Variants in SSH2 observed in about 807,000 individuals in gnomAD.
SSH2 encodes protein phosphatase Slingshot homolog 2.
A neutral mutation model predicts 135.2 loss-of-function variants in SSH2; 37 were observed. That is an observed-to-expected ratio of 0.27 (90% CI 0.21 to 0.36). The LOEUF (loss-of-function observed/expected upper bound fraction) is 0.36, where lower values mean the gene tolerates loss of function less well. SSH2 is among the 10% of genes least tolerant of loss of function. The pLI, the probability that SSH2 is intolerant of heterozygous loss-of-function variation, is 1.00. For missense variants in SSH2, 1,408 were observed against 1,765.3 expected (o/e 0.80, Z 3.63); for synonymous variants, 628 against 646.2 (o/e 0.97, Z 0.43).
chr17:29,761,364 G>A, intron 3 of SSH2: 2 of 1,073,752 alleles, frequency 1.9e-6, no homozygotes, highest in African/African-American at 1.7e-5. Context: ...CCCGGCGGCG[G>A]AGGCGGGCCC....
intron 14 of SSH2, among the ~76,000 whole-genome samples, chr17:29,641,338 A>G (rs2036151415): frequency 6.6e-6 from 1 of 152,176 alleles, no homozygotes; most frequent in African/African-American, 2.4e-5. Context: ...CTATTATTTT[A>G]AACTATTAAA....
intron 13 of SSH2, among the ~76,000 whole-genome samples, chr17:29,648,898 T>C (rs1021656914): frequency 6.6e-6 from 1 of 152,102 alleles, no homozygotes; most frequent in African/African-American, 2.4e-5. Context: ...CCCAGCACTT[T>C]GGGAGGCTGA....
chr17:29,705,122 G>T (rs2039145532), intron 3 of SSH2, among the ~76,000 whole-genome samples: 1 of 152,132 alleles, frequency 6.6e-6, no homozygotes, highest in South Asian at 2.1e-4. Context: ...GTCATCCTTA[G>T]TGTCTTTCCT....
chr17:29,706,959 C>T (rs1022268813), intron 3 of SSH2: 2 of 152,186 alleles, frequency 1.3e-5, no homozygotes, highest in Non-Finnish European at 2.9e-5. Flanking sequence ...CGAGACCATC[C>T]TGGCTAACAC....
intron 1 of SSH2, among the ~76,000 whole-genome samples, chr17:29,915,795 T>C (rs2062955475): frequency 6.6e-6 from 1 of 151,900 alleles, no homozygotes. Flanking sequence ...GAAGCCATTA[T>C]GAAATAACAA....
intron 3 of SSH2, among the ~76,000 whole-genome samples, chr17:29,743,906 C>CTTTTTT (rs2040657741): frequency 1.9e-5 from 2 of 107,534 alleles, no homozygotes; most frequent in East Asian, 2.3e-4. Flanking sequence ...TTTCTTTTTT[C>CTTTTTT]CTTTTTTTTT....
At chr17:29,783,009 C>A (rs2041873572) in intron 3 of SSH2, among the ~76,000 whole-genome samples, 1 of 152,138 alleles carries the variant, frequency 6.6e-6, no homozygotes, top group Non-Finnish European at 1.5e-5. Context: ...GCATGAGCCA[C>A]CGCGCCTGGC....
chr17:29,636,281 G>C lies in SSH2; in HGVS notation c.1949C>G (p.Pro650Arg), dbSNP rs1471724481. The C allele has an allele frequency of 6.2e-7, 1 of 1,614,002 alleles. No individual in the cohort carries two copies. Among genetic ancestry groups the C allele is most frequent in the African/African-American group, 1.3e-5 (1 of 74,900 alleles). ...MEELTSPLKD[P>R]PMSPDPESPS... ...TGACTCAGGATCAGGGGACATGGGG[G>C]GGTCTTTCAGTGGAGATGTCAATTC... The change falls in exon 15 of 16, where the codon CCC becomes CGC. Residue 650 changes from proline to arginine, a missense_variant. Coordinates refer to ENST00000540801, the MANE Select transcript of SSH2 (RefSeq NM_001282129.2).
At chr17:29,911,527 T>C (rs1486504516) in intron 1 of SSH2, among the ~76,000 whole-genome samples, 1 of 152,214 alleles carries the variant, frequency 6.6e-6, no homozygotes, top group African/African-American at 2.4e-5. Flanking sequence ...AGAGAGGTTA[T>C]GCAACTTGCT....
intron 3 of SSH2, among the ~76,000 whole-genome samples, chr17:29,762,919 A>G (rs1346091995): frequency 6.6e-6 from 1 of 152,252 alleles, no homozygotes; most frequent in Non-Finnish European, 1.5e-5. Context: ...TCAGAAATTA[A>G]TAATAATTTC....
At chr17:29,761,456 C>A in intron 3 of SSH2, 1 of 995,862 alleles carries the variant, frequency 1.0e-6, no homozygotes. Flanking sequence ...AGCAGTTCGC[C>A]CCCACCCGCG....
At chr17:29,929,725 G>C in intron 1 of SSH2, 2 of 598,818 alleles carry the variant, frequency 3.3e-6, no homozygotes, top group Non-Finnish European at 6.0e-6. Context: ...ATTGTGAGGA[G>C]CTAGGTGCTC....
intron 3 of SSH2, among the ~76,000 whole-genome samples, chr17:29,707,286 A>C (rs1361610884): frequency 2.1e-4 from 32 of 152,214 alleles, no homozygotes; most frequent in Admixed American, 6.5e-5. Context: ...TGTTATTTAA[A>C]ATGAATGCAG....
chr17:29,887,395 AT>A (rs1385416662), intron 1 of SSH2, among the ~76,000 whole-genome samples: 2 of 152,194 alleles, frequency 1.3e-5, no homozygotes, highest in Non-Finnish European at 2.9e-5. Flanking sequence ...CCTAGGTCCT[AT>A]TTCCTAGACC....
chr17:29,925,765 AC>A (rs2151491324), intron 1 of SSH2, among the ~76,000 whole-genome samples: 1 of 152,170 alleles, frequency 6.6e-6, no homozygotes, highest in South Asian at 2.1e-4. Flanking sequence ...AAATGTTTTC[AC>A]CACAAAAAAA....
At position 29,632,153 on chromosome 17, in the gene SSH2, A is replaced by C. The variant is rs200804844; in HGVS notation, c.3041T>G (p.Leu1014Arg). The change falls in exon 16 of 16, where the codon CTG (leucine) becomes CGG (arginine). Residue 1014 changes from leucine (L) to arginine (R), a missense_variant. Physicochemically the swap from Leu to Arg is moderately radical, Grantham distance 102. Transcript: ENST00000540801. ...GTQQEGVLKD[L>R]RTVIPYQESE... Reference sequence around the variant, plus strand: ...CTCCTGGTATGGAATCACAGTCCTCAGATCCTTCAGGACTCCTTCCTGCTG... The same window carrying C: ...CTCCTGGTATGGAATCACAGTCCTCCGATCCTTCAGGACTCCTTCCTGCTG... 22 of 1,614,100 alleles carry C rather than the reference A, an allele frequency of 1.4e-5. No homozygotes were observed. The East Asian group carries it at 4.7e-4, about 34-fold the overall frequency.
intron 3 of SSH2, among the ~76,000 whole-genome samples, chr17:29,740,676 A>C (rs2040526042): frequency 6.6e-6 from 1 of 152,220 alleles, no homozygotes; most frequent in Non-Finnish European, 1.5e-5. Context: ...GCTTTCTATA[A>C]ATAAGGGCAG....
chr17:29,803,281 A>T (rs2042283230), intron 2 of SSH2, among the ~76,000 whole-genome samples: 1 of 152,238 alleles, frequency 6.6e-6, no homozygotes, highest in South Asian at 2.1e-4. Flanking sequence ...AGGGTCATTC[A>T]GTGCTATTCA....
chr17:29,843,504 C>T (rs903745339), intron 2 of SSH2, among the ~76,000 whole-genome samples: 1 of 151,682 alleles, frequency 6.6e-6, no homozygotes, highest in Non-Finnish European at 1.5e-5. Context: ...CTGCAGTGAA[C>T]TGAGATCGTG....
Sources: gnomAD v4.1 joint callset for allele counts (sites outside exome capture counted in the v4.1 genomes callset) on GRCh38, gnomAD v4.1.1 for gene constraint, MANE v1.5 for transcripts, NCBI Gene and HGNC (gene_info 2026-07-23, HGNC 2026-07-21) for gene names.